Variants in TMEM232 observed in about 807,000 individuals in gnomAD.
TMEM232 encodes transmembrane protein 232.
TMEM232 carries 80 observed loss-of-function variants against 78.8 expected under a neutral mutation model. The ratio of observed to expected loss-of-function variants is 1.01; its 90% CI spans 0.85 to 1.22. The LOEUF is 1.22. Among genes scored for constraint, TMEM232 ranks in the 50% most tolerant of loss-of-function variants. The pLI is 0.00. For missense variants in TMEM232, 881 were observed against 742.2 expected, an observed-to-expected ratio of 1.19 and a Z score of -2.17; for synonymous variants, 297 against 254.3, an observed-to-expected ratio of 1.17 and a Z score of -1.60.
chr5:110,424,148 T>C (rs528862585), intron 13 of TMEM232, among the ~76,000 whole-genome samples: 54 of 152,062 alleles, frequency 3.6e-4, no homozygotes, highest in Non-Finnish European at 4.0e-4. Flanking sequence ...TACTTAAAAG[T>C]AGTGTGAAAA....
intron 12 of TMEM232, among the ~76,000 whole-genome samples, chr5:110,467,017 T>G (rs2149366189): frequency 6.6e-6 from 1 of 152,088 alleles, no homozygotes; most frequent in East Asian, 1.9e-4. Context: ...GAAAAAGGGA[T>G]CATTGATGGC....
At chr5:110,388,796 G>A (rs1303924275) in intron 4 of TMEM232, among the ~76,000 whole-genome samples, 1 of 152,202 alleles carries the variant, frequency 6.6e-6, no homozygotes, top group Non-Finnish European at 1.5e-5. Context: ...AGGTAAAGCA[G>A]TACATGCAGA....
rs571366072 is a variant in TMEM232, at chr5:110,402,844, G to A, written n.309-4990C>T. On this transcript the variant is annotated intron_variant and non_coding_transcript_variant, in intron 2 of 8. Coordinates refer to the TMEM232 transcript ENST00000507188. ...CAGCTTCACAAAGACTACAAAAAGT[G>A]GTGGAGAGGTAATTCTTTAAAAGAA... 5.9e-5 allele frequency among the ~76,000 whole-genome samples: 9 copies of A among 152,148 alleles called. No individual in the cohort carries two copies. The South Asian group carries it at 1.9e-3, about 32-fold the overall frequency.
chr5:110,675,496 C>T (rs973801727), intron 1 of TMEM232, among the ~76,000 whole-genome samples: 1 of 152,066 alleles, frequency 6.6e-6, no homozygotes, highest in African/African-American at 2.4e-5. Flanking sequence ...GAAATTAAAA[C>T]AAAAGAAAAA....
intron 12 of TMEM232, among the ~76,000 whole-genome samples, chr5:110,436,964 AT>A (rs564428237): frequency 6.6e-5 from 10 of 151,844 alleles, no homozygotes; most frequent in African/African-American, 1.9e-4. Context: ...AAACTTTAGA[AT>A]TTTTTTTCAT....
At chr5:110,470,171 G>GT (rs1023012125) in intron 12 of TMEM232, among the ~76,000 whole-genome samples, 5 of 152,188 alleles carry the variant, frequency 3.3e-5, no homozygotes, top group Admixed American at 2.0e-4. Flanking sequence ...CAGTGCAGCT[G>GT]TACCGTGCTC....
intron 1 of TMEM232, among the ~76,000 whole-genome samples, chr5:110,712,105 C>CAAAAAA (rs61482697): frequency 3.5e-4 from 23 of 65,320 alleles, no homozygotes; most frequent in Admixed American, 7.3e-4. Context: ...GACTCAATCT[C>CAAAAAA]AAAAAAAAAA....
chr5:110,615,908 A>C (rs1782864895), intron 8 of TMEM232, among the ~76,000 whole-genome samples: 1 of 151,922 alleles, frequency 6.6e-6, no homozygotes, highest in Non-Finnish European at 1.5e-5. Context: ...ATAGCAAAAA[A>C]TAAAAAAAAT....
intron 12 of TMEM232, among the ~76,000 whole-genome samples, chr5:110,485,304 C>T (rs115921110): frequency 1.1e-3 from 164 of 152,224 alleles, no homozygotes; most frequent in African/African-American, 3.8e-3. Context: ...ATACATTCTT[C>T]TCAAGTGCTT....
At chr5:110,704,319 GT>G (rs1456148773) in intron 1 of TMEM232, among the ~76,000 whole-genome samples, 1 of 151,996 alleles carries the variant, frequency 6.6e-6, no homozygotes, top group African/African-American at 2.4e-5. Flanking sequence ...GACTCCTGGT[GT>G]TACATTTCTC....
At chr5:110,456,691 CA>C (rs779540855) in intron 12 of TMEM232, among the ~76,000 whole-genome samples, 1 of 151,962 alleles carries the variant, frequency 6.6e-6, no homozygotes, top group African/African-American at 2.4e-5. Context: ...ATCAATGGAA[CA>C]GAAAAAGATT....
intron 2 of TMEM232, among the ~76,000 whole-genome samples, chr5:110,734,487 G>T (rs1288955923): frequency 6.6e-6 from 1 of 152,176 alleles, no homozygotes. Flanking sequence ...TATGACAAGG[G>T]TATGGACATA....
At chr5:110,734,750 T>C (rs1163553983) in intron 2 of TMEM232, among the ~76,000 whole-genome samples, 1 of 152,214 alleles carries the variant, frequency 6.6e-6, no homozygotes, top group Non-Finnish European at 1.5e-5. Context: ...AAATGCACCA[T>C]AGTGGATTGT....
intron 2 of TMEM232, among the ~76,000 whole-genome samples, chr5:110,400,065 C>T (rs1215991033): frequency 6.6e-6 from 1 of 152,122 alleles, no homozygotes; most frequent in Non-Finnish European, 1.5e-5. Context: ...CATGACACGG[C>T]CTATGGCCTG....
upstream of TMEM232, among the ~76,000 whole-genome samples, chr5:110,729,517 A>G (rs1335051558): frequency 6.6e-6 from 1 of 152,182 alleles, no homozygotes; most frequent in Non-Finnish European, 1.5e-5. Flanking sequence ...ATGAATGGGA[A>G]GTGGTGTTTC....
chr5:110,650,544 T>A (rs1290134613), intron 2 of TMEM232, among the ~76,000 whole-genome samples: 1 of 152,158 alleles, frequency 6.6e-6, no homozygotes, highest in Non-Finnish European at 1.5e-5. Context: ...GAATGGTGCT[T>A]AACCTCAGGT....
At chr5:110,545,872 G>A (rs1010864582) in intron 11 of TMEM232, among the ~76,000 whole-genome samples, 20 of 152,092 alleles carry the variant, frequency 1.3e-4, no homozygotes, top group Non-Finnish European at 2.4e-4. Flanking sequence ...TCCTAGATGT[G>A]CCAGCATATG....
chr5:110,439,708 A>G (rs917559194), intron 12 of TMEM232, among the ~76,000 whole-genome samples: 3 of 152,022 alleles, frequency 2.0e-5, no homozygotes, highest in Non-Finnish European at 1.5e-5. Flanking sequence ...AAGAAACTCA[A>G]AAAGTCAAGA....
At chr5:110,571,120 G>C (rs1776890942) in intron 10 of TMEM232, among the ~76,000 whole-genome samples, 1 of 152,018 alleles carries the variant, frequency 6.6e-6, no homozygotes, top group South Asian at 2.1e-4. Flanking sequence ...TCCATGGCTA[G>C]CTAGGTGCCC....
Sources: allele counts gnomAD v4.1 joint callset (sites outside exome capture counted in the v4.1 genomes callset), GRCh38; gene constraint gnomAD v4.1.1; transcripts MANE v1.5; gene names NCBI Gene and HGNC (gene_info 2026-07-23, HGNC 2026-07-21).